PRKAR1B: variants seen among roughly 807,000 people sequenced by gnomAD.
PRKAR1B encodes cAMP-dependent protein kinase type I-beta regulatory subunit.
A neutral mutation model predicts 46.5 loss-of-function variants in PRKAR1B; 22 were observed. The ratio of observed to expected loss-of-function variants is 0.47; its 90% CI spans 0.34 to 0.68. The LOEUF is 0.68. PRKAR1B is among the 30% of genes least tolerant of loss of function. The pLI is 0.01. For synonymous variants in PRKAR1B, 259 were observed against 217.7 expected, an observed-to-expected ratio of 1.19 and a Z score of -1.67; for missense variants, 445 against 535.6, an observed-to-expected ratio of 0.83 and a Z score of 1.67.
intron 4 of PRKAR1B, among the ~76,000 whole-genome samples, chr7:622,201 C>A (rs892878817): frequency 6.6e-6 from 1 of 152,214 alleles, no homozygotes; most frequent in Non-Finnish European, 1.5e-5. Flanking sequence ...CTAAGGGGGA[C>A]AACAGAAAGG....
intron 1 of PRKAR1B, among the ~76,000 whole-genome samples, chr7:717,303 A>C (rs1780916375): frequency 6.6e-6 from 1 of 151,866 alleles, no homozygotes; most frequent in African/African-American, 2.4e-5. Context: ...AAAAGAAAGA[A>C]AGAAAGAGAG....
rs1352380799 is a variant in PRKAR1B at position 593,406 on chromosome 7, A to T, written c.708+2740T>A. Among the ~76,000 whole-genome samples the T allele has an allele frequency of 6.6e-6, 1 of 152,182 alleles. No homozygotes were observed. Among genetic ancestry groups the T allele is most frequent in the Non-Finnish European group, 1.5e-5 (1 of 68,034 alleles). On this transcript the variant is annotated intron_variant, in intron 7 of 10. Coordinates refer to ENST00000537384, the MANE Select transcript of PRKAR1B (RefSeq NM_001164760.2). The surrounding 1 kb of genome is among the most constrained non-coding windows in gnomAD (Gnocchi z 6.1). ...TCCTGCAAATGCTCCCGTCCAAACCAGCCCGGCGCGGCCAGCTATTCTTAG... is the reference window on the plus strand; with the variant it reads ...TCCTGCAAATGCTCCCGTCCAAACCTGCCCGGCGCGGCCAGCTATTCTTAG...
intron 4 of PRKAR1B, among the ~76,000 whole-genome samples, chr7:637,297 A>G (rs575160951): frequency 2.0e-5 from 3 of 151,984 alleles, no homozygotes; most frequent in Non-Finnish European, 4.4e-5. Flanking sequence ...CGCACCTGTA[A>G]TCCCAGCTAC....
intron 4 of PRKAR1B, among the ~76,000 whole-genome samples, chr7:669,588 A>G (rs1477944353): frequency 6.6e-6 from 1 of 151,576 alleles, no homozygotes; most frequent in Non-Finnish European, 1.5e-5. Context: ...ACATGCTGAA[A>G]CCCCATCTCT....
intron 9 of PRKAR1B, among the ~76,000 whole-genome samples, chr7:554,759 CGG>C (rs1562514582): frequency 6.7e-6 from 1 of 150,262 alleles, no homozygotes; most frequent in Non-Finnish European, 1.5e-5. Flanking sequence ...CCCACAGAGC[CGG>C]AAGACAGGGG....
In PRKAR1B at chr7:666,273, G is replaced by A. The variant is rs1310796095; in HGVS notation, c.440+10956C>T. On this transcript the variant is annotated intron_variant, in intron 4 of 10. Coordinates refer to ENST00000537384, the MANE Select transcript of PRKAR1B (RefSeq NM_001164760.2). The surrounding 1 kb of genome is among the most constrained non-coding windows in gnomAD (Gnocchi z 4.9). ...TGGTCCTGGCACATCAGAGAGCTCC[G>A]GAACATGCGGGGCTGCTTCCCTGGG... Among the ~76,000 whole-genome samples the A allele has an allele frequency of 3.9e-5, 5 of 127,386 alleles. No individual in the cohort carries two copies. The highest frequency in any genetic ancestry group is 9.3e-5 in the African/African-American group (2 of 21,468). The allele number at this position is 127,386 out of a possible 152,430, so 83.6% of individuals were successfully genotyped here. A position where few individuals can be genotyped will look rare whatever the true frequency, so the allele number is the denominator to read the frequency against.
intron 7 of PRKAR1B, among the ~76,000 whole-genome samples, chr7:585,022 G>A (rs1780518030): frequency 6.6e-6 from 1 of 152,134 alleles, no homozygotes; most frequent in Non-Finnish European, 1.5e-5. Context: ...ATCCAGCCGT[G>A]CCTGAAGCTG....
rs111803954 is a variant in PRKAR1B at position 720,489 on chromosome 7, G to A, written c.-23+6721C>T. Reference sequence around the variant, plus strand: ...TTGTTGAGTGGTGTGTTCTGCAAACGTCAATTAGATCCTGTTGGTTGATGG... The same window carrying A: ...TTGTTGAGTGGTGTGTTCTGCAAACATCAATTAGATCCTGTTGGTTGATGG... On this transcript the variant is annotated intron_variant, in intron 1 of 10. Transcript: ENST00000537384. 3.5e-3 allele frequency among the ~76,000 whole-genome samples: 536 copies of A among 152,338 alleles called. 6 individuals carry two copies. Among genetic ancestry groups the A allele is most frequent in the African/African-American group, 0.012 (517 of 41,566 alleles).
At chr7:565,184 T>A (rs952184720) in intron 9 of PRKAR1B, 1 of 152,274 alleles carries the variant, frequency 6.6e-6, no homozygotes, top group African/African-American at 2.4e-5. Context: ...CACTCTTGGA[T>A]GCTGAAGAGC....
intron 2 of PRKAR1B, among the ~76,000 whole-genome samples, 186 bp from the exon 3 acceptor site, chr7:680,912 T>C (rs1180417913): frequency 6.6e-6 from 1 of 152,048 alleles, no homozygotes; most frequent in Non-Finnish European, 1.5e-5. Flanking sequence ...CCACCCAAAT[T>C]TCACTTTGTG....
chr7:557,073 C>T (rs375296876), intron 9 of PRKAR1B, among the ~76,000 whole-genome samples: 37 of 152,348 alleles, frequency 2.4e-4, no homozygotes, highest in Admixed American at 9.8e-4. Context: ...GGGCAGCTTC[C>T]GTTTCCAACC....
At chr7:613,557 C>A (rs965186733) in intron 4 of PRKAR1B, among the ~76,000 whole-genome samples, 10 of 152,170 alleles carry the variant, frequency 6.6e-5, no homozygotes, top group Admixed American at 1.3e-4. Context: ...GGAGATGGCG[C>A]GCCAAGCTCA....
intron 9 of PRKAR1B, among the ~76,000 whole-genome samples, chr7:572,583 C>T (rs563364493): frequency 1.6e-4 from 24 of 151,966 alleles, no homozygotes; most frequent in African/African-American, 4.1e-4. Context: ...CACACCTGTG[C>T]GGGGCTGGGG....
intron 4 of PRKAR1B, among the ~76,000 whole-genome samples, chr7:652,658 G>C (rs1784973017): frequency 6.6e-6 from 1 of 152,254 alleles, no homozygotes; most frequent in African/African-American, 2.4e-5. Context: ...GGCAGTCCAG[G>C]CTCACCATTT....
At chr7:569,598 C>T (rs1199637884) in intron 9 of PRKAR1B, among the ~76,000 whole-genome samples, 1 of 152,196 alleles carries the variant, frequency 6.6e-6, no homozygotes, top group African/African-American at 2.4e-5. Flanking sequence ...CGAGGCTGCC[C>T]TGCAACAAGA....
At chr7:722,001 G>A (rs1781090529) in intron 1 of PRKAR1B, among the ~76,000 whole-genome samples, 1 of 151,264 alleles carries the variant, frequency 6.6e-6, no homozygotes, top group African/African-American at 2.4e-5. Flanking sequence ...ATGTGTCTTA[G>A]TATGGGGTTT....
chr7:683,583 G>A (rs1778822905), intron 2 of PRKAR1B, among the ~76,000 whole-genome samples: 1 of 152,212 alleles, frequency 6.6e-6, no homozygotes, highest in African/African-American at 2.4e-5. Flanking sequence ...ATGGGTGGGA[G>A]CTCCTGCTGA....
chr7:698,239 T>C (rs1779875542), intron 2 of PRKAR1B, among the ~76,000 whole-genome samples: 1 of 152,014 alleles, frequency 6.6e-6, no homozygotes, highest in Non-Finnish European at 1.5e-5. Flanking sequence ...ACCTCATCTC[T>C]ATAAAAATAT....
At chr7:708,857 T>A (rs1780466735) in intron 2 of PRKAR1B, among the ~76,000 whole-genome samples, 1 of 147,744 alleles carries the variant, frequency 6.8e-6, no homozygotes, top group Non-Finnish European at 1.5e-5. Flanking sequence ...CAGTGACGCA[T>A]CTTTGCTCAC....
Sources: gnomAD v4.1 joint callset for allele counts (sites outside exome capture counted in the v4.1 genomes callset) on GRCh38, gnomAD v4.1.1 for gene constraint, Gnocchi (gnomAD v3.1) non-coding constraint, MANE v1.5 for transcripts, NCBI Gene and HGNC (gene_info 2026-07-23, HGNC 2026-07-21) for gene names.